The following RERG variants were observed in gnomAD, a reference collection of about 807,000 sequenced individuals.
RERG encodes RAS like estrogen regulated growth inhibitor.
A neutral mutation model predicts 23.2 loss-of-function variants in RERG; 25 were observed. That is an observed-to-expected ratio of 1.08 (90% CI 0.79 to 1.50). RERG has a LOEUF of 1.50. Among genes scored for constraint, RERG ranks in the 40% most tolerant of loss-of-function variants. RERG has a pLI of 0.00. For missense variants in RERG, 253 were observed against 250.1 expected, an observed-to-expected ratio of 1.01 and a Z score of -0.08; for synonymous variants, 81 against 89.1, an observed-to-expected ratio of 0.91 and a Z score of 0.51.
At chr12:15,190,249 T>C (rs534185202) in intron 2 of RERG, among the ~76,000 whole-genome samples, 4 of 152,088 alleles carry the variant, frequency 2.6e-5, no homozygotes, top group South Asian at 4.3e-4. Context: ...CTGCACCACA[T>C]TGGAAGAAGA....
chr12:15,181,373 T>G (rs1446290872), intron 2 of RERG, among the ~76,000 whole-genome samples: 2 of 152,222 alleles, frequency 1.3e-5, no homozygotes, highest in African/African-American at 4.8e-5. Context: ...TCTTTCTTTG[T>G]TTGTGTTCAC....
intron 3 of RERG, among the ~76,000 whole-genome samples, chr12:15,116,568 T>A (rs1863724788): frequency 6.6e-6 from 1 of 151,966 alleles, no homozygotes; most frequent in Admixed American, 6.6e-5. Context: ...CATAGCAGCG[T>A]GTGGTAGCGT....
rs1863532232 is a variant in RERG, at chr12:15,108,161, G to A, written c.*949C>T. On this transcript the variant is annotated 3_prime_UTR_variant, in exon 5 of 5. Coordinates refer to ENST00000256953, the MANE Select transcript of RERG (RefSeq NM_032918.3). ...TCCAAAATATCAAAATAAGTCATGT[G>A]GCAAACTTAATGAATCAGAGGCTAA... The A allele has an allele frequency of 6.6e-6, 1 of 152,294 alleles. No homozygotes were observed. Among genetic ancestry groups the A allele is most frequent in the African/African-American group, 2.4e-5 (1 of 41,442 alleles). 9.4% of individuals were successfully genotyped at this position (152,294 alleles called of 1,614,324 possible). A position where few individuals can be genotyped will look rare whatever the true frequency, so the allele number is the denominator to read the frequency against.
At chr12:15,192,287 AG>A (rs1431300411) in intron 2 of RERG, among the ~76,000 whole-genome samples, 1 of 152,132 alleles carries the variant, frequency 6.6e-6, no homozygotes, top group Non-Finnish European at 1.5e-5. Context: ...AAGCTTCCTG[AG>A]GTCTCCCCAG....
intron 2 of RERG, among the ~76,000 whole-genome samples, chr12:15,185,157 C>T (rs529583862): frequency 1.3e-5 from 2 of 152,212 alleles, no homozygotes; most frequent in South Asian, 2.1e-4. Context: ...AGATTAATTG[C>T]CACAATTGTC....
chr12:15,149,569 AT>A (rs1864403021), intron 2 of RERG, among the ~76,000 whole-genome samples: 1 of 152,206 alleles, frequency 6.6e-6, no homozygotes, highest in African/African-American at 2.4e-5. Flanking sequence ...CCTGTGTTGC[AT>A]ACTGGAGGGG....
At chr12:15,112,565 T>C (rs1295255902) in intron 3 of RERG, 1 of 152,012 alleles carries the variant, frequency 6.6e-6, no homozygotes, top group Non-Finnish European at 1.5e-5. Flanking sequence ...GGGTCAAAAA[T>C]AAGTGCCAAC....
At chr12:15,203,881 T>C (rs1005743006) in intron 2 of RERG, among the ~76,000 whole-genome samples, 2 of 151,810 alleles carry the variant, frequency 1.3e-5, no homozygotes, top group South Asian at 4.1e-4. Flanking sequence ...TGAAGACTTA[T>C]AAATTGAGAA....
At chr12:15,144,967 T>G (rs1358231080) in intron 2 of RERG, among the ~76,000 whole-genome samples, 1 of 152,224 alleles carries the variant, frequency 6.6e-6, no homozygotes, top group African/African-American at 2.4e-5. Flanking sequence ...TTTACTTAAG[T>G]CTTTTTTAAC....
chr12:15,140,976 T>C (rs2136101729), intron 2 of RERG, among the ~76,000 whole-genome samples: 1 of 152,284 alleles, frequency 6.6e-6, no homozygotes, highest in South Asian at 2.1e-4. Context: ...TCTAAGTTAT[T>C]ATTTCAAATA....
chr12:15,183,864 A>G (rs1201050930), intron 2 of RERG, among the ~76,000 whole-genome samples: 3 of 152,340 alleles, frequency 2.0e-5, no homozygotes, highest in South Asian at 4.1e-4. Flanking sequence ...AGTAGTCCCC[A>G]GTCTCATCAG....
chr12:15,111,337 T>C lies in RERG; in HGVS notation c.192+7A>G. ...AGAAAAATATTTTAGCTGAACTCTT[T>C]ATTCACCTGACCAGCAGTGTCTAGT... On this transcript the variant is annotated splice_region_variant and intron_variant, in intron 4 of 4. Coordinates refer to ENST00000256953, the MANE Select transcript of RERG (RefSeq NM_032918.3). 1 of 1,598,972 alleles carries C rather than the reference T, an allele frequency of 6.3e-7. No individual in the cohort carries two copies. Among genetic ancestry groups the C allele is most frequent in the Middle Eastern group, 1.7e-4 (1 of 6,032 alleles).
intron 2 of RERG, among the ~76,000 whole-genome samples, chr12:15,199,565 T>C (rs1374721860): frequency 6.6e-6 from 1 of 152,072 alleles, no homozygotes; most frequent in African/African-American, 2.4e-5. Flanking sequence ...TTGAACCCCT[T>C]GGTATCTCAA....
At chr12:15,115,074 G>T (rs973312235) in intron 3 of RERG, among the ~76,000 whole-genome samples, 44 of 151,790 alleles carry the variant, frequency 2.9e-4, no homozygotes, top group African/African-American at 1.1e-3. Flanking sequence ...AAAAATACCA[G>T]ATTTGGTTAT....
chr12:15,195,338 AG>A (rs1865128535), intron 2 of RERG, among the ~76,000 whole-genome samples: 1 of 152,088 alleles, frequency 6.6e-6, no homozygotes. Context: ...CTCTCACACA[AG>A]TGGCACTGCT....
At chr12:15,217,824 C>A in intron 1 of RERG, 1 of 220,718 alleles carries the variant, frequency 4.5e-6, no homozygotes, top group Non-Finnish European at 9.0e-6. Flanking sequence ...CTAAAACGTG[C>A]ATTATCACAC....
chr12:15,111,211 G>A, intron 4 of RERG, 133 bp downstream of exon 4: 1 of 618,014 alleles, frequency 1.6e-6, no homozygotes, highest in South Asian at 2.1e-5. Flanking sequence ...ATATAAAATG[G>A]CTAGTTAATT....
chr12:15,175,527 C>G (rs1446998855), intron 2 of RERG, among the ~76,000 whole-genome samples: 1 of 151,888 alleles, frequency 6.6e-6, no homozygotes, highest in Non-Finnish European at 1.5e-5. Context: ...ATACACACAA[C>G]CTTGCATGTA....
At chr12:15,157,107 T>C (rs989043771) in intron 2 of RERG, among the ~76,000 whole-genome samples, 1 of 152,212 alleles carries the variant, frequency 6.6e-6, no homozygotes, top group Non-Finnish European at 1.5e-5. Context: ...TCCACTGTAG[T>C]GGATGGCCTC....
Sources: allele counts gnomAD v4.1 joint callset (sites outside exome capture counted in the v4.1 genomes callset), GRCh38; gene constraint gnomAD v4.1.1; transcripts MANE v1.5; gene names NCBI Gene and HGNC (gene_info 2026-07-23, HGNC 2026-07-21).